Variants in NGF observed in about 807,000 individuals in gnomAD.
NGF encodes the protein beta-nerve growth factor.
NGF carries 4 observed loss-of-function variants against 12.8 expected under a neutral mutation model. The ratio of observed to expected loss-of-function variants is 0.31; its 90% CI spans 0.15 to 0.72. The LOEUF (loss-of-function observed/expected upper bound fraction) is 0.72, where lower values mean the gene tolerates loss of function less well. Ranked by LOEUF, NGF falls within the 30% of genes least tolerant of loss-of-function variation. The pLI is 0.69. For missense variants in NGF, 283 were observed against 330.8 expected, an observed-to-expected ratio of 0.86 and a Z score of 1.12; for synonymous variants, 140 against 130.0, an observed-to-expected ratio of 1.08 and a Z score of -0.52.
At chr1:115,335,666 ACT>A (rs567327121) in intron 1 of NGF, among the ~76,000 whole-genome samples, 4 of 152,252 alleles carry the variant, frequency 2.6e-5, no homozygotes, top group Admixed American at 2.6e-4. Context: ...CTTGCTCTAG[ACT>A]CTGAAGTCAG....
chr1:115,312,945 A>G (rs1037798148), intron 1 of NGF, among the ~76,000 whole-genome samples: 15 of 152,228 alleles, frequency 9.9e-5, no homozygotes, highest in African/African-American at 2.2e-4. Context: ...TTCACCATGG[A>G]AACATTTTTT....
At chr1:115,321,878 T>G (rs1418133675) in intron 1 of NGF, among the ~76,000 whole-genome samples, 4 of 152,162 alleles carry the variant, frequency 2.6e-5, no homozygotes, top group African/African-American at 9.7e-5. Flanking sequence ...AAGTCTTAAA[T>G]GTTCTTACAG....
intron 1 of NGF, among the ~76,000 whole-genome samples, chr1:115,333,651 CTTTCTCTT>C (rs1320780428): frequency 3.4e-5 from 5 of 148,780 alleles, no homozygotes; most frequent in Admixed American, 6.7e-5. Context: ...GACTTTCTTT[CTTTCTCTT>C]TCTTTCTTTC....
chr1:115,328,019 C>A (rs1228259740), intron 1 of NGF, among the ~76,000 whole-genome samples: 3 of 152,172 alleles, frequency 2.0e-5, no homozygotes, highest in African/African-American at 7.2e-5. Flanking sequence ...TACCTTGCAA[C>A]CTCAAATAGA....
chr1:115,295,195 T>A (rs1000474631), intron 1 of NGF, among the ~76,000 whole-genome samples: 1 of 151,842 alleles, frequency 6.6e-6, no homozygotes, highest in Non-Finnish European at 1.5e-5. Flanking sequence ...CGAAGAGGAG[T>A]TGGAGAATGG....
chr1:115,286,125 C>A lies in NGF; in HGVS notation c.671G>T (p.Arg224Leu), dbSNP rs1384874552. The change falls in exon 3 of 3, where the codon CGG becomes CTG. Residue 224 changes from arginine (R) to leucine (L), a missense_variant. This residue lies in a region of NGF where 132 missense variants were observed against 189.2 expected (regional missense o/e 0.70). Coordinates refer to ENST00000369512, the MANE Select transcript of NGF (RefSeq NM_002506.3). Reference protein sequence around the residue: ...DGKQAAWRFIRIDTACVCVLS... With the variant: ...DGKQAAWRFILIDTACVCVLS... Reference sequence around the variant, plus strand: ...CACACACACACAGGCCGTATCTATCCGGATAAACCGCCAGGCAGCCTGCTT... The same window carrying A: ...CACACACACACAGGCCGTATCTATCAGGATAAACCGCCAGGCAGCCTGCTT... 1.9e-6 allele frequency: 3 copies of A among 1,613,326 alleles called. No homozygotes were observed. Among genetic ancestry groups the A allele is most frequent in the African/African-American group, 1.3e-5 (1 of 74,874 alleles).
intron 1 of NGF, among the ~76,000 whole-genome samples, chr1:115,325,303 A>C (rs1654742352): frequency 6.6e-6 from 1 of 152,196 alleles, no homozygotes; most frequent in Non-Finnish European, 1.5e-5. Context: ...GTCAGGGTCC[A>C]GATCGTATAA....
intron 1 of NGF, among the ~76,000 whole-genome samples, chr1:115,321,367 T>C (rs1654618977): frequency 6.6e-6 from 1 of 152,186 alleles, no homozygotes. Context: ...ACTAACACTG[T>C]GATTTTTAAT....
chr1:115,292,177 G>T (rs1363186956), intron 2 of NGF, among the ~76,000 whole-genome samples: 1 of 152,154 alleles, frequency 6.6e-6, no homozygotes, highest in African/African-American at 2.4e-5. Context: ...GGAATTCTGT[G>T]GCTCCTCATT....
chr1:115,317,188 G>A (rs562676372), intron 1 of NGF, among the ~76,000 whole-genome samples: 7 of 152,204 alleles, frequency 4.6e-5, no homozygotes, highest in South Asian at 4.2e-4. Flanking sequence ...ATGTGATGGC[G>A]CTTGCGTGGA....
chr1:115,311,770 T>C (rs1049772346), intron 1 of NGF, among the ~76,000 whole-genome samples: 10 of 152,188 alleles, frequency 6.6e-5, no homozygotes, highest in African/African-American at 2.4e-4. Context: ...GTGCTGTCTG[T>C]TTACTGAGCA....
At chr1:115,332,045 A>G (rs371413349) in intron 1 of NGF, among the ~76,000 whole-genome samples, 15 of 152,354 alleles carry the variant, frequency 9.8e-5, no homozygotes, top group African/African-American at 3.1e-4. Flanking sequence ...CCCCACTGCC[A>G]TAGCAAAATT....
chr1:115,299,064 C>A (rs2101030966), intron 1 of NGF, among the ~76,000 whole-genome samples: 1 of 152,096 alleles, frequency 6.6e-6, no homozygotes, highest in South Asian at 2.1e-4. Context: ...AGAAGGAGCT[C>A]TTTTTTGAGG....
chr1:115,297,109 A>T (rs555432088), intron 1 of NGF, among the ~76,000 whole-genome samples: 1 of 152,314 alleles, frequency 6.6e-6, no homozygotes, highest in South Asian at 2.1e-4. Flanking sequence ...CCATAGTAGT[A>T]TTTTAGTAAT....
At chr1:115,314,791 C>T (rs1452411883) in intron 1 of NGF, among the ~76,000 whole-genome samples, 1 of 152,100 alleles carries the variant, frequency 6.6e-6, no homozygotes, top group East Asian at 1.9e-4. Flanking sequence ...AATTCTTGCT[C>T]TCAGGGAGCT....
intron 1 of NGF, among the ~76,000 whole-genome samples, chr1:115,316,792 G>A (rs1486922711): frequency 1.3e-5 from 2 of 152,072 alleles, no homozygotes; most frequent in Non-Finnish European, 2.9e-5. Context: ...ATTTTGTTAA[G>A]GGATATTGCA....
At chr1:115,323,525 G>A (rs1465202966) in intron 1 of NGF, among the ~76,000 whole-genome samples, 1 of 152,194 alleles carries the variant, frequency 6.6e-6, no homozygotes, top group Non-Finnish European at 1.5e-5. Context: ...CCTCAGCCCT[G>A]CAAAGCACAC....
chr1:115,328,193 G>C (rs1654825600), intron 1 of NGF, among the ~76,000 whole-genome samples: 1 of 150,896 alleles, frequency 6.6e-6, no homozygotes, highest in South Asian at 2.1e-4. Flanking sequence ...AGCCCTGGGG[G>C]AACAAGGGTG....
chr1:115,319,599 A>C (rs1450883166), intron 1 of NGF, among the ~76,000 whole-genome samples: 1 of 152,196 alleles, frequency 6.6e-6, no homozygotes, highest in Non-Finnish European at 1.5e-5. Context: ...TGCGGGTACA[A>C]GGGTGGTAGC....
Sources: gnomAD v4.1 joint callset for allele counts (sites outside exome capture counted in the v4.1 genomes callset) on GRCh38, gnomAD v4.1.1 for gene constraint, gnomAD v4.1.1 regional missense constraint, MANE v1.5 for transcripts, NCBI Gene and HGNC (gene_info 2026-07-23, HGNC 2026-07-21) for gene names.